The following SPRYD3 variants were observed in gnomAD, a reference collection of about 807,000 sequenced individuals.
The protein encoded by SPRYD3 is SPRY domain-containing protein 3.
In SPRYD3, 17 loss-of-function variants were observed where a neutral mutation model predicts 50.1. The observed-to-expected ratio is 0.34, with a 90% CI of 0.23 to 0.51. The LOEUF is 0.51. Ranked by LOEUF, SPRYD3 falls within the 20% of genes least tolerant of loss-of-function variation. The probability of loss-of-function intolerance (pLI) is 0.97; values close to 1 mark genes in which losing one functional copy is unlikely to be tolerated. For missense variants in SPRYD3, 401 were observed against 591.2 expected (o/e 0.68, Z 3.34); for synonymous variants, 198 against 215.5 (o/e 0.92, Z 0.71).
chr12:53,066,745 C>T (rs951034157), intron 8 of SPRYD3, 53 bp from the exon 9 acceptor site: 1 of 1,561,970 alleles, frequency 6.4e-7, no homozygotes, highest in Non-Finnish European at 8.7e-7. Context: ...GCTGACACCA[C>T]ACCCCCAGAG....
chr12:53,068,081 G>A, intron 7 of SPRYD3, 74 bp downstream of exon 7: 3 of 1,569,130 alleles, frequency 1.9e-6, no homozygotes, highest in Non-Finnish European at 2.6e-6. Context: ...TCTCCTAAGA[G>A]CTTCCTGGTG....
At chr12:53,073,495 C>G (rs780924822) in intron 5 of SPRYD3, 24 bp from the exon 6 acceptor site, 1 of 1,508,652 alleles carries the variant, frequency 6.6e-7, no homozygotes, top group East Asian at 2.5e-5. Flanking sequence ...AAAGACGGAG[C>G]TGCCACCCGG....
chr12:53,075,890 T>TGCAGGGTAAGGGTGGGAG, intron 2 of SPRYD3, 79 bp from the exon 3 acceptor site: 1 of 1,140,896 alleles, frequency 8.8e-7, no homozygotes, highest in Non-Finnish European at 1.3e-6. Flanking sequence ...CTCCCACCCT[T>TGCAGGGTAAGGGTGGGAG]ACCCTGCAAG....
At chr12:53,069,459 C>T (rs552220586) in intron 6 of SPRYD3, among the ~76,000 whole-genome samples, 11 of 150,280 alleles carry the variant, frequency 7.3e-5, no homozygotes, top group South Asian at 2.1e-4. Context: ...AGGCTGCTCC[C>T]GCATCCCCAC....
chr12:53,075,295 T>C, intron 3 of SPRYD3, 76 bp from the exon 4 acceptor site: 1 of 1,512,424 alleles, frequency 6.6e-7, no homozygotes, highest in East Asian at 2.3e-5. Flanking sequence ...GGAAGGGGAC[T>C]TAGAGATTAA....
intron 6 of SPRYD3, among the ~76,000 whole-genome samples, chr12:53,071,353 C>T (rs1944548368): frequency 6.6e-6 from 1 of 152,142 alleles, no homozygotes; most frequent in Non-Finnish European, 1.5e-5. Flanking sequence ...GAGTCTAATC[C>T]CCCAGCTGTT....
At chr12:53,067,601 T>C in intron 8 of SPRYD3, 47 bp downstream of exon 8, 2 of 1,585,280 alleles carry the variant, frequency 1.3e-6, no homozygotes, top group South Asian at 2.2e-5. Context: ...TCCCTATGCC[T>C]CCACATCTCC....
intron 1 of SPRYD3, 62 bp from the exon 2 acceptor site, chr12:53,077,323 T>C: frequency 6.3e-7 from 1 of 1,587,592 alleles, no homozygotes; most frequent in South Asian, 1.1e-5. Flanking sequence ...CCTCAGCCTC[T>C]GTGACCCAGA....
Position 53,077,244 on chromosome 12 carries a change from T to C in SPRYD3, c.41A>G (p.Lys14Arg), listed in dbSNP as rs760158136. The change falls in exon 2 of 11, where the codon AAG becomes AGG. Residue 14 changes from lysine (K) to arginine (R), a missense_variant. Physicochemically the swap from Lys to Arg is conservative, Grantham distance 26. Transcript: ENST00000301463. ...TRRPRFVLMNKMDDLNLHYRF... is the reference protein window; with the variant it reads ...TRRPRFVLMNRMDDLNLHYRF... ...GTAGTGCAGGTTGAGGTCATCCATCTTGTTCATGAGAACAAACCTGCCAAG... is the reference window on the plus strand; with the variant it reads ...GTAGTGCAGGTTGAGGTCATCCATCCTGTTCATGAGAACAAACCTGCCAAG... 1 of 1,614,202 alleles carries C rather than the reference T, an allele frequency of 6.2e-7. No individual in the cohort carries two copies. The highest frequency in any genetic ancestry group is 8.5e-7 in the Non-Finnish European group (1 of 1,180,030).
At position 53,077,107 on chromosome 12, in the gene SPRYD3, G is replaced by C; in HGVS notation, c.170+8C>G. 1 of 1,613,592 alleles carries C rather than the reference G, an allele frequency of 6.2e-7. No homozygotes were observed. The highest frequency in any genetic ancestry group is 8.5e-7 in the Non-Finnish European group (1 of 1,179,690). Reference sequence around the variant, plus strand: ...GAAGAAAATGTGGAAGCATTCTCCTGAACTCACCTTAAAGTATCTCCATCT... The same window carrying C: ...GAAGAAAATGTGGAAGCATTCTCCTCAACTCACCTTAAAGTATCTCCATCT... On this transcript the variant is annotated splice_region_variant and intron_variant, in intron 2 of 10. Coordinates refer to ENST00000301463, the MANE Select transcript of SPRYD3 (RefSeq NM_032840.3).
At position 53,065,810 on chromosome 12, in the gene SPRYD3, G is replaced by A. The variant is rs745582580; in HGVS notation, c.*22C>T. On this transcript the variant is annotated 3_prime_UTR_variant, in exon 11 of 11. Coordinates refer to ENST00000301463, the MANE Select transcript of SPRYD3 (RefSeq NM_032840.3). ...CCAGCAGAGGGTGAGCAGGGAGAAG[G>A]AGCAGGTCTGGAGGGGAGGCCCTAG... is the stretch of plus-strand genomic sequence containing the variant. 17 of 1,603,434 alleles carry A rather than the reference G, an allele frequency of 1.1e-5. No individual in the cohort carries two copies. In the South Asian group the frequency reaches 1.2e-4, roughly 11 times the overall value.
chr12:53,073,821 G>A (rs1224974197), intron 5 of SPRYD3, among the ~76,000 whole-genome samples: 1 of 150,810 alleles, frequency 6.6e-6, no homozygotes, highest in Admixed American at 6.6e-5. Flanking sequence ...TCCAGCCTGG[G>A]GGACAGAGCG....
At chr12:53,070,701 G>A (rs1944543546) in intron 6 of SPRYD3, among the ~76,000 whole-genome samples, 1 of 152,096 alleles carries the variant, frequency 6.6e-6, no homozygotes, top group African/African-American at 2.4e-5. Context: ...AGTGTAAATG[G>A]GGTTACGTTG....
At chr12:53,069,691 A>G (rs1944535641) in intron 6 of SPRYD3, among the ~76,000 whole-genome samples, 1 of 152,038 alleles carries the variant, frequency 6.6e-6, no homozygotes, top group East Asian at 1.9e-4. Flanking sequence ...CCAAGGCCAC[A>G]CTGTTTGACT....
At position 53,065,539 on chromosome 12, in the gene SPRYD3, G is replaced by A. The variant is rs922322529; in HGVS notation, c.*293C>T. 1.4e-5 allele frequency: 5 copies of A among 362,562 alleles called. No individual in the cohort carries two copies. The highest frequency in any genetic ancestry group is 4.1e-5 in the Admixed American group (1 of 24,324). The allele number at this position is 362,562 out of a possible 1,614,324, so 22.5% of individuals were successfully genotyped here. A position where few individuals can be genotyped will look rare whatever the true frequency, so the allele number is the denominator to read the frequency against. On this transcript the variant is annotated 3_prime_UTR_variant, in exon 11 of 11. Coordinates refer to ENST00000301463, the MANE Select transcript of SPRYD3 (RefSeq NM_032840.3). Reference sequence around the variant, plus strand: ...CACACAGGGCCGGTGAGGGAAAGGGGGACCCAGAAGCCCACTGACCAAAGC... The same window carrying A: ...CACACAGGGCCGGTGAGGGAAAGGGAGACCCAGAAGCCCACTGACCAAAGC...
rs1944506068 is a variant in SPRYD3 at position 53,066,328 on chromosome 12, C to T, written c.1180G>A (p.Gly394Ser). Residue 394 changes from glycine to serine, a missense_variant, in exon 10 of 11, where the codon GGC becomes AGC. Gly to Ser is a moderately conservative substitution (Grantham distance 56). Coordinates refer to ENST00000301463, the MANE Select transcript of SPRYD3 (RefSeq NM_032840.3). ...TCCGTACTCACCACCACCTTCCTGC[C>T]CTCATGCTCCGGCTCTATCTCTTCC... The part of the protein sequence containing the change: ...DGEEIEPEHE[G>S]RKVVVFFTRN... The T allele has an allele frequency of 1.2e-6, 2 of 1,614,010 alleles. No individual in the cohort carries two copies. The highest frequency in any genetic ancestry group is 2.7e-5 in the African/African-American group (2 of 75,048).
chr12:53,070,836 TCAAA>T (rs976321149), intron 6 of SPRYD3, among the ~76,000 whole-genome samples: 111 of 152,318 alleles, frequency 7.3e-4, no homozygotes, highest in African/African-American at 2.6e-3. Context: ...GTGTCTCCTC[TCAAA>T]CAATGTCCAA....
chr12:53,069,869 C>A (rs1244295597), intron 6 of SPRYD3, among the ~76,000 whole-genome samples: 1 of 152,138 alleles, frequency 6.6e-6, no homozygotes, highest in Non-Finnish European at 1.5e-5. Context: ...GGGTGGGGGA[C>A]CCCACAGCTG....
rs1222019322 is a variant in SPRYD3, at chr12:53,065,184, G to A, written c.*648C>T. 2.0e-5 allele frequency: 3 copies of A among 152,488 alleles called. No individual in the cohort carries two copies. The highest frequency in any genetic ancestry group is 7.2e-5 in the African/African-American group (3 of 41,468). 9.4% of individuals were successfully genotyped at this position (152,488 alleles called of 1,614,324 possible). On this transcript the variant is annotated 3_prime_UTR_variant, in exon 11 of 11. Transcript: ENST00000301463. The stretch of plus-strand genomic sequence containing the variant: ...ATGCAACAGGCACCCACCCATGTGG[G>A]TCCAGGTATGGGGAGCCAGAGACCT...
Sources: gnomAD v4.1 joint callset for allele counts (sites outside exome capture counted in the v4.1 genomes callset) on GRCh38, gnomAD v4.1.1 for gene constraint, MANE v1.5 for transcripts, NCBI Gene and HGNC (gene_info 2026-07-23, HGNC 2026-07-21) for gene names.